COL27A1: variants seen among roughly 807,000 people sequenced by gnomAD.
COL27A1 encodes the protein collagen alpha-1(XXVII) chain.
Under a neutral mutation model 251.3 loss-of-function variants are expected in COL27A1, and 106 were observed. The observed-to-expected ratio is 0.42, with a 90% CI of 0.36 to 0.50. The LOEUF is 0.50. Ranked by LOEUF, COL27A1 falls within the 20% of genes least tolerant of loss-of-function variation. The pLI is 0.00. For synonymous variants in COL27A1, 1,000 were observed against 986.3 expected (o/e 1.01, Z -0.26); for missense variants, 2,325 against 2,522.8 (o/e 0.92, Z 1.68).
intron 3 of COL27A1, among the ~76,000 whole-genome samples, chr9:114,177,195 G>A (rs1015152928): frequency 4.6e-5 from 7 of 152,232 alleles, no homozygotes; most frequent in African/African-American, 1.7e-4. Context: ...TGCAGGAAGT[G>A]TGCAGCTATT....
At chr9:114,205,867 C>T (rs763988695) in intron 9 of COL27A1, 55 bp downstream of exon 9, 124 of 1,519,956 alleles carry the variant, frequency 8.2e-5, no homozygotes, top group Non-Finnish European at 1.0e-4. Flanking sequence ...AAGATGGCCA[C>T]AGGTGCCCCG....
intron 14 of COL27A1, among the ~76,000 whole-genome samples, chr9:114,224,771 G>A (rs976929656): frequency 1.3e-5 from 2 of 148,284 alleles, no homozygotes; most frequent in Non-Finnish European, 3.0e-5. Context: ...TCCCACCTCA[G>A]CCTCCCAAGT....
At chr9:114,287,273 C>T (rs776503802) in intron 41 of COL27A1, among the ~76,000 whole-genome samples, 44 of 152,316 alleles carry the variant, frequency 2.9e-4, no homozygotes, top group Non-Finnish European at 5.4e-4. Flanking sequence ...TTCCGGCCCC[C>T]TTTCAATCCC....
intron 16 of COL27A1, among the ~76,000 whole-genome samples, chr9:114,234,054 C>T (rs1832167229): frequency 6.6e-6 from 1 of 152,084 alleles, no homozygotes; most frequent in Non-Finnish European, 1.5e-5. Context: ...CGCTTGGCTC[C>T]CTCTCTCAGC....
chr9:114,217,757 C>T (rs776365355), intron 12 of COL27A1: 1 of 470,534 alleles, frequency 2.1e-6, no homozygotes, highest in Admixed American at 2.4e-5. Context: ...GAGTTGCTTT[C>T]CTCTCCTACC....
intron 11 of COL27A1, among the ~76,000 whole-genome samples, chr9:114,210,444 CA>C (rs1227928166): frequency 6.6e-6 from 1 of 152,126 alleles, no homozygotes; most frequent in African/African-American, 2.4e-5. Flanking sequence ...TTCCAGCAGC[CA>C]GGGGGAGCGG....
In COL27A1 at chr9:114,168,763, C is replaced by T. The variant is rs367573546; in HGVS notation, c.1208C>T (p.Thr403Ile). 2.5e-6 allele frequency: 4 copies of T among 1,614,036 alleles called. No homozygotes were observed. Among genetic ancestry groups the T allele is most frequent in the East Asian group, 4.5e-5 (2 of 44,870 alleles). ...PSSFTKSALP[T>I]QKQVPPTSRP... Reference sequence around the variant, plus strand: ...TCATTTACAAAGTCAGCCCTACCCACTCAGAAGCAAGTGCCACCTACTTCC... The same window carrying T: ...TCATTTACAAAGTCAGCCCTACCCATTCAGAAGCAAGTGCCACCTACTTCC... The change falls in exon 3 of 61, where the codon ACT becomes ATT. Residue 403 changes from threonine (T) to isoleucine (I), a missense_variant. By Grantham distance (89) the Thr-to-Ile change is moderately conservative (BLOSUM62 -1). Coordinates refer to ENST00000356083, the MANE Select transcript of COL27A1 (RefSeq NM_032888.4).
At chr9:114,194,595 G>A (rs970705796) in intron 6 of COL27A1, 138 bp downstream of exon 6, 2 of 771,234 alleles carry the variant, frequency 2.6e-6, no homozygotes, top group South Asian at 1.8e-5. Flanking sequence ...AAGGGTTAGG[G>A]TATGGTTTGG....
intron 5 of COL27A1, among the ~76,000 whole-genome samples, 188 bp downstream of exon 5, chr9:114,183,263 T>C (rs1828077857): frequency 6.6e-6 from 1 of 152,190 alleles, no homozygotes; most frequent in Non-Finnish European, 1.5e-5. Flanking sequence ...ACACAGTGCT[T>C]CCGTCTGGGA....
At chr9:114,227,327 T>TC (rs1411045516) in intron 14 of COL27A1, among the ~76,000 whole-genome samples, 1 of 151,016 alleles carries the variant, frequency 6.6e-6, no homozygotes, top group East Asian at 1.9e-4. Context: ...TTTTTTTTTT[T>TC]TGGTCAACAG....
At position 114,168,063 on chromosome 9, in the gene COL27A1, C is replaced by G. The variant is rs200941311; in HGVS notation, c.508C>G (p.Leu170Val). 4 of 1,609,140 alleles carry G rather than the reference C, an allele frequency of 2.5e-6. 1 individual carries two copies. In the East Asian group the frequency reaches 8.9e-5, roughly 36 times the overall value. ...CGAGCTCCGAGGCCGCACAGTCACTCTGGTGACTGCCTGCGGGCAGCGCCG... is the reference window on the plus strand; with the variant it reads ...CGAGCTCCGAGGCCGCACAGTCACTGTGGTGACTGCCTGCGGGCAGCGCCG... ...ALELRGRTVT[L>V]VTACGQRRVP... Residue 170 changes from leucine to valine, a missense_variant, in exon 3 of 61, where the codon CTG (leucine) becomes GTG (valine). Around this residue, in one of 4 missense-constraint regions of COL27A1, gnomAD observed 1,183 missense variants for 1,144.1 expected, o/e 1.03. Coordinates refer to ENST00000356083, the MANE Select transcript of COL27A1 (RefSeq NM_032888.4).
intron 37 of COL27A1, among the ~76,000 whole-genome samples, chr9:114,277,674 G>A (rs1835596185): frequency 1.3e-5 from 2 of 152,176 alleles, no homozygotes; most frequent in African/African-American, 4.8e-5. Context: ...TTGACTCAGT[G>A]GCGGGCTTGA....
At chr9:114,230,525 C>T (rs951604682) in intron 14 of COL27A1, among the ~76,000 whole-genome samples, 9 of 152,166 alleles carry the variant, frequency 5.9e-5, no homozygotes, top group Non-Finnish European at 1.2e-4. Context: ...ACCTGTGGTC[C>T]AGGATCTGCC....
chr9:114,167,982 C>T lies in COL27A1; in HGVS notation c.427C>T (p.Arg143Cys), dbSNP rs558626202. The change falls in exon 3 of 61, where the codon CGC becomes TGC. Residue 143 changes from arginine to cysteine, a missense_variant. This residue lies in a region of COL27A1 where 1,183 missense variants were observed against 1,144.1 expected (regional missense o/e 1.03). Coordinates refer to ENST00000356083, the MANE Select transcript of COL27A1 (RefSeq NM_032888.4). ...GKTVVHLGSR[R>C]SVAFDLDMHD... The stretch of plus-strand genomic sequence containing the variant: ...GACGGTCGTCCACCTCGGGTCCCGG[C>T]GCTCAGTGGCCTTCGACCTCGACAT... The T allele has an allele frequency of 1.9e-5, 30 of 1,605,444 alleles. No individual in the cohort carries two copies. The highest frequency in any genetic ancestry group is 6.7e-5 in the African/African-American group (5 of 75,040).
At chr9:114,258,519 A>G (rs763965097) in intron 27 of COL27A1, 22 bp from the exon 28 acceptor site, 4 of 1,610,584 alleles carry the variant, frequency 2.5e-6, no homozygotes, top group Non-Finnish European at 2.5e-6. Flanking sequence ...GGGCCTCTCC[A>G]AACTCTTTCT....
chr9:114,269,191 C>A, intron 34 of COL27A1, 50 bp from the exon 35 acceptor site: 2 of 1,393,730 alleles, frequency 1.4e-6, no homozygotes, highest in East Asian at 2.5e-5. Context: ...GTGTCGAGAG[C>A]TGGGGCTGGC....
Position 114,162,663 on chromosome 9 carries a change from G to T in COL27A1, c.63-52G>T. On this transcript the variant is annotated intron_variant, in intron 1 of 60. Coordinates refer to ENST00000356083, the MANE Select transcript of COL27A1 (RefSeq NM_032888.4). The stretch of plus-strand genomic sequence containing the variant: ...TCCCAGCTTCCCCAGCCGGATCCGG[G>T]TGTGAGGGGTGGAAGCTGATGCCGC... 1.5e-6 allele frequency: 2 copies of T among 1,346,576 alleles called. 1 individual carries two copies. Among genetic ancestry groups the T allele is most frequent in the South Asian group, 2.4e-5 (2 of 85,090 alleles). 83.4% of individuals were successfully genotyped at this position (1,346,576 alleles called of 1,614,324 possible). A position where few individuals can be genotyped will look rare whatever the true frequency, so the allele number is the denominator to read the frequency against.
chr9:114,302,728 A>C (rs1449180878), intron 56 of COL27A1, among the ~76,000 whole-genome samples: 8 of 26,758 alleles, frequency 3.0e-4, no homozygotes, highest in Admixed American at 9.5e-4. Flanking sequence ...AAAAAAAACA[A>C]AAAAAAAAAA....
At position 114,240,281 on chromosome 9, in the gene COL27A1, C is replaced by T. The variant is rs767332090; in HGVS notation, c.2781+8C>T. 4.4e-6 allele frequency: 7 copies of T among 1,595,844 alleles called. No individual in the cohort carries two copies. The highest frequency in any genetic ancestry group is 2.3e-5 in the South Asian group (2 of 87,190). On this transcript the variant is annotated splice_region_variant and intron_variant, in intron 20 of 60. Transcript: ENST00000356083. The stretch of plus-strand genomic sequence containing the variant: ...GGCCCAGAAGGCATGAAGGTGAGTA[C>T]CTGCCCAGGGCAGCTCCAGTTGGAG...
Sources: gnomAD v4.1 joint callset for allele counts (sites outside exome capture counted in the v4.1 genomes callset) on GRCh38, gnomAD v4.1.1 for gene constraint, gnomAD v4.1.1 regional missense constraint, MANE v1.5 for transcripts, NCBI Gene and HGNC (gene_info 2026-07-23, HGNC 2026-07-21) for gene names.